Variants in PPL observed in about 807,000 individuals in gnomAD.
The protein encoded by PPL is 190 kDa paraneoplastic pemphigus antigen.
In PPL, 198 loss-of-function variants were observed where a neutral mutation model predicts 194.4. The ratio of observed to expected loss-of-function variants is 1.02; its 90% CI spans 0.91 to 1.15. PPL has a LOEUF of 1.15. PPL is among the 50% of genes most tolerant of loss of function. PPL has a pLI of 0.00. For missense variants in PPL, 2,885 were observed against 2,294.8 expected (o/e 1.26, Z -5.25); for synonymous variants, 1,220 against 972.4 (o/e 1.25, Z -4.74).
intron 9 of PPL, 43 bp downstream of exon 9, chr16:4,897,632 T>C (rs2088458144): frequency 1.3e-6 from 2 of 1,497,132 alleles, no homozygotes; most frequent in Non-Finnish European, 1.9e-6. Context: ...TCTCAGAGAG[T>C]AGCACCCCCG....
chr16:4,889,585 G>T (rs899543459), intron 18 of PPL, among the ~76,000 whole-genome samples: 2 of 152,148 alleles, frequency 1.3e-5, no homozygotes, highest in Non-Finnish European at 2.9e-5. Context: ...GCTCTGTGAA[G>T]AAGGGCCAAG....
chr16:4,885,831 G>C lies in PPL; in HGVS notation c.2824C>G (p.Pro942Ala). 6.2e-7 allele frequency: 1 copy of C among 1,607,746 alleles called. No homozygotes were observed. The highest frequency in any genetic ancestry group is 8.5e-7 in the Non-Finnish European group (1 of 1,179,970). Residue 942 changes from proline to alanine, a missense_variant, in exon 22 of 22, where the codon CCG becomes GCG. Pro to Ala is a conservative substitution (Grantham distance 27, BLOSUM62 -1). Coordinates refer to ENST00000345988, the MANE Select transcript of PPL (RefSeq NM_002705.5). The surrounding 1 kb of genome is among the most constrained non-coding windows in gnomAD (Gnocchi z 6.3). ...VVRKEVLKKV[P>A]DPVLEESFQQ... The stretch of plus-strand genomic sequence containing the variant: ...AAGCTCTCCTCCAGCACGGGATCCG[G>C]CACCTTCTTGAGCACCTCCTTCCTC...
At chr16:4,927,532 G>T (rs1317140576) in intron 1 of PPL, among the ~76,000 whole-genome samples, 1 of 152,226 alleles carries the variant, frequency 6.6e-6, no homozygotes, top group African/African-American at 2.4e-5. Context: ...AGATGCCGAA[G>T]AATCCTAGAT....
intron 19 of PPL, chr16:4,888,682 G>C: frequency 2.3e-6 from 1 of 440,952 alleles, no homozygotes; most frequent in Non-Finnish European, 4.0e-6. Flanking sequence ...ATTGTAAATA[G>C]TGCTGTTGCA....
At chr16:4,935,302 G>C (rs1264195528) in intron 1 of PPL, among the ~76,000 whole-genome samples, 1 of 152,170 alleles carries the variant, frequency 6.6e-6, no homozygotes, top group African/African-American at 2.4e-5. Context: ...GCACGAAGGA[G>C]GGAGGCTGGG....
chr16:4,928,614 T>C (rs1371252561), intron 1 of PPL, among the ~76,000 whole-genome samples: 1 of 152,228 alleles, frequency 6.6e-6, no homozygotes, highest in Non-Finnish European at 1.5e-5. Flanking sequence ...TTCTCTGCCT[T>C]CGCCATGGCG....
At chr16:4,931,648 C>T (rs907915642) in intron 1 of PPL, among the ~76,000 whole-genome samples, 11 of 152,200 alleles carry the variant, frequency 7.2e-5, no homozygotes, top group Non-Finnish European at 1.2e-4. Context: ...AGCAGCTGCA[C>T]GCTGGGAAGC....
chr16:4,892,843 C>T (rs1331628862), intron 14 of PPL: 2 of 188,474 alleles, frequency 1.1e-5, no homozygotes, highest in Non-Finnish European at 2.2e-5. Context: ...GCCCTGTGAG[C>T]AGGGCCAACC....
In PPL at chr16:4,885,540, CCA is replaced by C. The variant is rs765447723; in HGVS notation, c.3113_3114del (p.Val1038GlyfsTer5). ...CGGCTCTTCTCTTCAGCCAGGGCGG[CCA>C]CACGCTGCTGCAGGAGGAGCACCTC... ...EAEVLLLQQR[V>X]AALAEEKSRA... On this transcript the variant is annotated frameshift_variant, in exon 22 of 22. Transcript: ENST00000345988. LOFTEE classifies it high-confidence loss of function. The surrounding 1 kb of genome is among the most constrained non-coding windows in gnomAD (Gnocchi z 6.3). 1.8e-5 allele frequency: 29 copies of C among 1,610,518 alleles called. No homozygotes were observed. The highest frequency in any genetic ancestry group is 2.5e-5 in the Non-Finnish European group (29 of 1,179,954).
chr16:4,902,097 G>C lies in PPL; in HGVS notation c.438+309C>G, dbSNP rs2088584843. Among the ~76,000 whole-genome samples the C allele has an allele frequency of 6.6e-6, 1 of 152,214 alleles. No individual in the cohort carries two copies. Among genetic ancestry groups the C allele is most frequent in the Non-Finnish European group, 1.5e-5 (1 of 68,046 alleles). ...CAGAAGCCTGGCCGCTTCCGCCCCA[G>C]CCTGCCCACAAAATGTCACCAAGAC... On this transcript the variant is annotated intron_variant, in intron 4 of 21. Transcript: ENST00000345988. The surrounding 1 kb of genome is among the most constrained non-coding windows in gnomAD (Gnocchi z 4.0).
chr16:4,930,666 G>A (rs997341630), intron 1 of PPL, among the ~76,000 whole-genome samples: 1 of 152,194 alleles, frequency 6.6e-6, no homozygotes, highest in Non-Finnish European at 1.5e-5. Context: ...GGAGTCCATA[G>A]AATAGGTGGA....
rs2088488398 is a variant in PPL, at chr16:4,898,996, T to A, written c.876+17A>T. 1 of 1,609,568 alleles carries A rather than the reference T, an allele frequency of 6.2e-7. No homozygotes were observed. The highest frequency in any genetic ancestry group is 2.2e-5 in the East Asian group (1 of 44,854). On this transcript the variant is annotated intron_variant, in intron 8 of 21. Transcript: ENST00000345988. The stretch of plus-strand genomic sequence containing the variant: ...AAGCCACCCTGGGGGAGGTGTCTGG[T>A]CTCGGGGTGCATGAACCTCAATGGA...
At chr16:4,907,888 G>A (rs903480064) in intron 2 of PPL, among the ~76,000 whole-genome samples, 5 of 152,210 alleles carry the variant, frequency 3.3e-5, no homozygotes, top group Non-Finnish European at 5.9e-5. Flanking sequence ...GGGTGCAGTG[G>A]CTCACACCTG....
chr16:4,915,219 G>A (rs1191069938), intron 1 of PPL, among the ~76,000 whole-genome samples: 1 of 152,230 alleles, frequency 6.6e-6, no homozygotes, highest in East Asian at 1.9e-4. Context: ...GTGGGGCAAT[G>A]ACCACTGCCT....
chr16:4,924,036 C>T (rs1215449976), intron 1 of PPL, among the ~76,000 whole-genome samples: 7 of 152,154 alleles, frequency 4.6e-5, no homozygotes, highest in Admixed American at 3.3e-4. Flanking sequence ...CTGCTTGTCA[C>T]GGAACAAGCA....
chr16:4,897,926 G>A (rs74003560), intron 8 of PPL, among the ~76,000 whole-genome samples, 156 bp from the exon 9 acceptor site: 12,484 of 152,234 alleles, frequency 0.082, 563 homozygotes, highest in African/African-American at 0.13. Flanking sequence ...TTCTGCTCAG[G>A]AGTGGGAGGA....
intron 21 of PPL, among the ~76,000 whole-genome samples, chr16:4,886,491 C>T (rs776229546): frequency 6.6e-6 from 1 of 152,254 alleles, no homozygotes; most frequent in Non-Finnish European, 1.5e-5. Flanking sequence ...GCATTGTTTC[C>T]GCTCTCTGGA....
At chr16:4,911,257 G>T (rs1296524718) in intron 1 of PPL, among the ~76,000 whole-genome samples, 1 of 148,874 alleles carries the variant, frequency 6.7e-6, no homozygotes, top group Admixed American at 6.9e-5. Context: ...CACTTCCTGG[G>T]TTCAAATGAT....
At chr16:4,905,400 G>A (rs2048099) in intron 2 of PPL, among the ~76,000 whole-genome samples, 141,339 of 152,190 alleles carry the variant, frequency 0.93, 66,019 homozygotes, top group East Asian at 0.99. Flanking sequence ...CCAGAGAGAT[G>A]GAAAGTCACT....
Sources: allele counts gnomAD v4.1 joint callset (sites outside exome capture counted in the v4.1 genomes callset), GRCh38; gene constraint gnomAD v4.1.1; non-coding constraint Gnocchi (gnomAD v3.1); transcripts MANE v1.5; gene names NCBI Gene and HGNC (gene_info 2026-07-23, HGNC 2026-07-21).